ACSS3: variants seen among roughly 807,000 people sequenced by gnomAD.
The protein encoded by ACSS3 is acyl-CoA synthetase short-chain family member 3, mitochondrial.
Under a neutral mutation model 84.2 loss-of-function variants are expected in ACSS3, and 64 were observed. The ratio of observed to expected loss-of-function variants is 0.76; its 90% CI spans 0.62 to 0.94. The LOEUF (loss-of-function observed/expected upper bound fraction) is 0.94, where lower values mean the gene tolerates loss of function less well. Among genes scored for constraint, ACSS3 ranks in the 40% least tolerant of loss-of-function variants. The pLI, the probability that ACSS3 is intolerant of heterozygous loss-of-function variation, is 0.00. For synonymous variants in ACSS3, 317 were observed against 310.1 expected, an observed-to-expected ratio of 1.02 and a Z score of -0.23; for missense variants, 815 against 867.6, an observed-to-expected ratio of 0.94 and a Z score of 0.76.
chr12:81,127,922 T>C (rs1325831764), intron 2 of ACSS3, among the ~76,000 whole-genome samples: 2 of 152,168 alleles, frequency 1.3e-5, no homozygotes, highest in African/African-American at 4.8e-5. Context: ...GAGCATCTGG[T>C]CACAAAGTTA....
At chr12:81,093,867 T>C (rs1881838780) in intron 1 of ACSS3, among the ~76,000 whole-genome samples, 1 of 152,154 alleles carries the variant, frequency 6.6e-6, no homozygotes, top group Admixed American at 6.5e-5. Flanking sequence ...TGTCTGTCAA[T>C]CTGTTTGACT....
chr12:81,135,315 CATT>C (rs1361750341), intron 3 of ACSS3, among the ~76,000 whole-genome samples: 1 of 141,904 alleles, frequency 7.0e-6, no homozygotes, highest in East Asian at 2.0e-4. Context: ...TTATATATCA[CATT>C]ATATATTATA....
chr12:81,088,925 CTT>C (rs1881494928), intron 1 of ACSS3, among the ~76,000 whole-genome samples: 1 of 151,712 alleles, frequency 6.6e-6, no homozygotes, highest in Non-Finnish European at 1.5e-5. Context: ...AAAAAATAAA[CTT>C]TTAATTTTTT....
At chr12:81,173,976 A>G (rs2030279521) in intron 7 of ACSS3, among the ~76,000 whole-genome samples, 1 of 152,094 alleles carries the variant, frequency 6.6e-6, no homozygotes, top group Non-Finnish European at 1.5e-5. Flanking sequence ...ATTTATTAAC[A>G]TTGCAGGCAT....
At chr12:81,087,153 G>C (rs1188783544) in intron 1 of ACSS3, among the ~76,000 whole-genome samples, 1 of 152,028 alleles carries the variant, frequency 6.6e-6, no homozygotes, top group African/African-American at 2.4e-5. Flanking sequence ...AAATTAGAGA[G>C]GGACAGAGTT....
intron 2 of ACSS3, among the ~76,000 whole-genome samples, chr12:81,127,869 A>G (rs1232735132): frequency 2.0e-5 from 3 of 152,278 alleles, no homozygotes; most frequent in South Asian, 4.1e-4. Flanking sequence ...TCTGTAGAAC[A>G]TAGCTTTTTG....
At chr12:81,233,285 G>C in intron 12 of ACSS3, 64 bp from the exon 13 acceptor site, 1 of 1,549,386 alleles carries the variant, frequency 6.5e-7, no homozygotes, top group African/African-American at 1.4e-5. Context: ...GTTTTACCAA[G>C]TTTAAAATGA....
At chr12:81,121,344 C>T (rs538866408) in intron 2 of ACSS3, among the ~76,000 whole-genome samples, 29 of 152,052 alleles carry the variant, frequency 1.9e-4, no homozygotes, top group Middle Eastern at 3.4e-3. Context: ...AACAATGCAG[C>T]AGGATTCCTG....
intron 7 of ACSS3, among the ~76,000 whole-genome samples, chr12:81,164,368 C>T (rs1887301199): frequency 2.0e-5 from 3 of 152,140 alleles, no homozygotes; most frequent in Non-Finnish European, 4.4e-5. Context: ...GAGGTTTTCA[C>T]AATGCTAAAA....
chr12:81,259,750 C>G lies in ACSS3; in HGVS notation c.*4828C>G. The G allele has an allele frequency of 9.5e-7, 1 of 1,047,650 alleles. No homozygotes were observed. The highest frequency in any genetic ancestry group is 2.6e-5 in the East Asian group (1 of 38,154). 64.9% of individuals were successfully genotyped at this position (1,047,650 alleles called of 1,614,324 possible). On this transcript the variant is annotated 3_prime_UTR_variant, in exon 16 of 16. Transcript: ENST00000548058. ...TCCTCTGTGGTGTACCTCCACGCAG[C>G]CTGCTTACTCCTGTCCTAGAAGATC...
In ACSS3 at chr12:81,078,150, A is replaced by T; in HGVS notation, c.30A>T (p.Lys10Asn). The change falls in exon 1 of 16, where the codon AAA becomes AAT. Residue 10 changes from lysine (K) to asparagine (N), a missense_variant. Coordinates refer to ENST00000548058, the MANE Select transcript of ACSS3 (RefSeq NM_024560.4). The part of the protein sequence containing the change: MKPSWLQCR[K>N]VTSAGGLGGP... ...AACCGTCTTGGCTGCAGTGTCGTAA[A>T]GTCACCAGCGCCGGGGGGCTCGGAG... 2 of 1,508,664 alleles carry T rather than the reference A, an allele frequency of 1.3e-6. No homozygotes were observed. Among genetic ancestry groups the T allele is most frequent in the Non-Finnish European group, 1.8e-6 (2 of 1,133,006 alleles). The allele number at this position is 1,508,664 out of a possible 1,614,324, so 93.5% of individuals were successfully genotyped here. A position where few individuals can be genotyped will look rare whatever the true frequency, so the allele number is the denominator to read the frequency against.
intron 2 of ACSS3, among the ~76,000 whole-genome samples, chr12:81,120,713 A>T (rs545448730): frequency 4.2e-4 from 64 of 152,326 alleles, no homozygotes; most frequent in African/African-American, 1.5e-3. Flanking sequence ...CACTGGGTAG[A>T]TATATGTAAT....
In ACSS3 at chr12:81,143,264, A is replaced by T. The variant is rs1291330202; in HGVS notation, c.921+17A>T. 6.4e-7 allele frequency: 1 copy of T among 1,565,082 alleles called. No homozygotes were observed. Among genetic ancestry groups the T allele is most frequent in the Non-Finnish European group, 8.7e-7 (1 of 1,145,830 alleles). On this transcript the variant is annotated intron_variant, in intron 5 of 15. Transcript: ENST00000548058. The stretch of plus-strand genomic sequence containing the variant: ...TTACCTAAGGTACTCACTCTCTTAG[A>T]GATAACTATCTATAGCAGTAGATTT...
At chr12:81,207,153 T>C (rs1315873990) in intron 9 of ACSS3, among the ~76,000 whole-genome samples, 1 of 152,112 alleles carries the variant, frequency 6.6e-6, no homozygotes, top group Non-Finnish European at 1.5e-5. Context: ...GTATAAACCA[T>C]GTTAGAAAGT....
chr12:81,132,837 T>A (rs903329704), intron 2 of ACSS3, among the ~76,000 whole-genome samples: 11 of 152,168 alleles, frequency 7.2e-5, no homozygotes, highest in African/African-American at 2.4e-4. Context: ...GACTAGCTAT[T>A]CTCGTTGGTC....
chr12:81,152,328 C>T (rs962193409), intron 7 of ACSS3, among the ~76,000 whole-genome samples: 1 of 128,656 alleles, frequency 7.8e-6, no homozygotes, highest in Non-Finnish European at 1.7e-5. Flanking sequence ...CATACAAAAA[C>T]AAGCTTTATA....
intron 13 of ACSS3, among the ~76,000 whole-genome samples, chr12:81,246,525 TC>T (rs2033989560): frequency 6.6e-6 from 1 of 152,112 alleles, no homozygotes; most frequent in African/African-American, 2.4e-5. Flanking sequence ...TCCCCAAACT[TC>T]CAAATGACAG....
chr12:81,169,583 G>C (rs1445492094), intron 7 of ACSS3, among the ~76,000 whole-genome samples: 1 of 152,054 alleles, frequency 6.6e-6, no homozygotes, highest in African/African-American at 2.4e-5. Context: ...TATATGTTAT[G>C]ATAGTTAATT....
At chr12:81,116,026 A>C (rs1241841924) in intron 2 of ACSS3, among the ~76,000 whole-genome samples, 1 of 152,154 alleles carries the variant, frequency 6.6e-6, no homozygotes, top group Non-Finnish European at 1.5e-5. Flanking sequence ...GTCACATTTA[A>C]GTGGTCTGAC....
Sources: allele counts gnomAD v4.1 joint callset (sites outside exome capture counted in the v4.1 genomes callset), GRCh38; gene constraint gnomAD v4.1.1; transcripts MANE v1.5; gene names NCBI Gene and HGNC (gene_info 2026-07-23, HGNC 2026-07-21).